Variants in SDC2 observed in about 807,000 individuals in gnomAD.
SDC2 encodes the protein syndecan 2.
In SDC2, 13 loss-of-function variants were observed where a neutral mutation model predicts 22.2. The observed-to-expected ratio is 0.59, with a 90% CI of 0.38 to 0.93. SDC2 has a LOEUF of 0.93. SDC2 is among the 40% of genes least tolerant of loss of function. The pLI, the probability that SDC2 is intolerant of heterozygous loss-of-function variation, is 0.00. For synonymous variants in SDC2, 94 were observed against 92.8 expected (o/e 1.01, Z -0.07); for missense variants, 235 against 246.8 (o/e 0.95, Z 0.32).
At chr8:96,600,959 G>T (rs1814971645) in intron 2 of SDC2, among the ~76,000 whole-genome samples, 1 of 152,306 alleles carries the variant, frequency 6.6e-6, no homozygotes. Context: ...GAGGGAGAAA[G>T]TGTAGAGGAA....
chr8:96,538,765 A>G (rs1813796777), intron 1 of SDC2: 1 of 152,280 alleles, frequency 6.6e-6, no homozygotes, highest in African/African-American at 2.4e-5. Context: ...TGTGAAGAGC[A>G]ATTGCTAAAG....
intron 1 of SDC2, among the ~76,000 whole-genome samples, chr8:96,563,051 T>TA (rs1814237409): frequency 6.6e-6 from 1 of 152,234 alleles, no homozygotes; most frequent in Admixed American, 6.5e-5. Flanking sequence ...GTTCCATTGT[T>TA]ACAGCTACCT....
rs112829715 is a variant in SDC2 at position 96,534,976 on chromosome 8, T to C, written c.60+40645T>C. Among the ~76,000 whole-genome samples, 24 of 152,118 alleles carry C rather than the reference T, an allele frequency of 1.6e-4. 1 individual carries two copies. The highest frequency in any genetic ancestry group is 2.0e-4 in the Admixed American group (3 of 15,284). ...CTAGATAAAATATTGGGCACCCAGT[T>C]AAGATGGAATTTCAGATAAATGCCA... is the stretch of plus-strand genomic sequence containing the variant. On this transcript the variant is annotated intron_variant, in intron 1 of 4. Transcript: ENST00000302190.
intron 1 of SDC2, among the ~76,000 whole-genome samples, chr8:96,515,192 T>C (rs536227429): frequency 3.2e-4 from 49 of 152,334 alleles, no homozygotes; most frequent in African/African-American, 9.1e-4. Context: ...ATGGCTATGC[T>C]TTTCTTAAGG....
intron 1 of SDC2, among the ~76,000 whole-genome samples, chr8:96,581,581 G>A (rs981999586): frequency 7.2e-5 from 11 of 151,754 alleles, no homozygotes; most frequent in Middle Eastern, 3.4e-3. Context: ...GCAGTGAGCC[G>A]AGATTGCACC....
chr8:96,522,867 C>T (rs1046078017), intron 1 of SDC2, among the ~76,000 whole-genome samples: 1 of 152,196 alleles, frequency 6.6e-6, no homozygotes, highest in African/African-American at 2.4e-5. Flanking sequence ...TAACATTCCT[C>T]AGGTTGTGGC....
Position 96,500,893 on chromosome 8 carries a change from G to A in SDC2, c.60+6562G>A, listed in dbSNP as rs373094659. Among the ~76,000 whole-genome samples, 19 of 152,270 alleles carry A rather than the reference G, an allele frequency of 1.2e-4. No individual in the cohort carries two copies. The East Asian group carries it at 3.5e-3, about 28-fold the overall frequency. On this transcript the variant is annotated intron_variant, in intron 1 of 4. Transcript: ENST00000302190. ...CAAGTATCTCAAAGAATTGGTAGGA[G>A]TGGGAGAAGAGAGAAGCCTTGAAAT... is the stretch of plus-strand genomic sequence containing the variant.
chr8:96,596,746 A>G (rs1369999007), intron 2 of SDC2, among the ~76,000 whole-genome samples: 1 of 152,244 alleles, frequency 6.6e-6, no homozygotes, highest in African/African-American at 2.4e-5. Context: ...CGATAAAAGA[A>G]TTGGGCATGA....
chr8:96,540,531 G>C (rs2651448), intron 1 of SDC2, among the ~76,000 whole-genome samples: 1 of 145,454 alleles, frequency 6.9e-6, no homozygotes. Flanking sequence ...AAATCTGTAT[G>C]GTAACTTCAG....
At chr8:96,572,522 C>G (rs1252568433) in intron 1 of SDC2, among the ~76,000 whole-genome samples, 1 of 152,132 alleles carries the variant, frequency 6.6e-6, no homozygotes, top group East Asian at 1.9e-4. Flanking sequence ...TAAAAGTTGA[C>G]TGGGTACTTT....
chr8:96,539,852 T>C (rs1813816842), intron 1 of SDC2, among the ~76,000 whole-genome samples: 1 of 152,176 alleles, frequency 6.6e-6, no homozygotes, highest in Non-Finnish European at 1.5e-5. Context: ...TGGAGCAAGG[T>C]ATAATTTAAC....
chr8:96,597,468 G>A (rs780788561), intron 2 of SDC2, among the ~76,000 whole-genome samples: 6 of 152,054 alleles, frequency 3.9e-5, no homozygotes, highest in Admixed American at 6.5e-5. Flanking sequence ...TCCTCTTTTC[G>A]GTGTTTCCCT....
In SDC2 at chr8:96,531,331, C is replaced by T. The variant is rs531156927; in HGVS notation, c.60+37000C>T. On this transcript the variant is annotated intron_variant, in intron 1 of 4. Coordinates refer to ENST00000302190, the MANE Select transcript of SDC2 (RefSeq NM_002998.4). The stretch of plus-strand genomic sequence containing the variant: ...AGTACATTAGAACTTTTATAGGGCA[C>T]GTTTTTCCAAAAGGTTTACCTCTGC... Among the ~76,000 whole-genome samples, 5 of 152,176 alleles carry T rather than the reference C, an allele frequency of 3.3e-5. No individual in the cohort carries two copies. The East Asian group carries it at 5.8e-4, about 18-fold the overall frequency.
At chr8:96,517,713 G>A (rs1813423575) in intron 1 of SDC2, among the ~76,000 whole-genome samples, 1 of 147,074 alleles carries the variant, frequency 6.8e-6, no homozygotes, top group Non-Finnish European at 1.5e-5. Context: ...AGTACTATAT[G>A]TACATATTTT....
At chr8:96,525,466 C>T (rs1813562782) in intron 1 of SDC2, among the ~76,000 whole-genome samples, 1 of 152,192 alleles carries the variant, frequency 6.6e-6, no homozygotes, top group Non-Finnish European at 1.5e-5. Context: ...GGCTGCACCC[C>T]ATCCTGCCTG....
intron 2 of SDC2, among the ~76,000 whole-genome samples, chr8:96,596,175 T>A (rs913960887): frequency 6.6e-6 from 1 of 152,134 alleles, no homozygotes; most frequent in Non-Finnish European, 1.5e-5. Flanking sequence ...TATTAGAAGG[T>A]AATAGAACTG....
chr8:96,518,060 G>C lies in SDC2; in HGVS notation c.60+23729G>C, dbSNP rs988227958. Among the ~76,000 whole-genome samples the C allele has an allele frequency of 2.2e-4, 33 of 152,032 alleles. 1 individual carries two copies. The highest frequency in any genetic ancestry group is 7.7e-4 in the African/African-American group (32 of 41,454). ...ATGCCTTTCAGAATGTTTTGGAGTG[G>C]GGTGCATTTTAGATATCTCTAGTCC... is the stretch of plus-strand genomic sequence containing the variant. On this transcript the variant is annotated intron_variant, in intron 1 of 4. Coordinates refer to ENST00000302190, the MANE Select transcript of SDC2 (RefSeq NM_002998.4).
chr8:96,536,467 G>T (rs146118422), intron 1 of SDC2, among the ~76,000 whole-genome samples: 276 of 152,274 alleles, frequency 1.8e-3, no homozygotes, highest in African/African-American at 6.2e-3. Context: ...GACTACAGGT[G>T]TGTGCCACCA....
At chr8:96,576,986 T>C (rs543588958) in intron 1 of SDC2, among the ~76,000 whole-genome samples, 2 of 152,326 alleles carry the variant, frequency 1.3e-5, no homozygotes, top group Non-Finnish European at 2.9e-5. Context: ...ATCCCAGTGA[T>C]TGTGCTGGCT....
Sources: gnomAD v4.1 joint callset for allele counts (sites outside exome capture counted in the v4.1 genomes callset) on GRCh38, gnomAD v4.1.1 for gene constraint, MANE v1.5 for transcripts, NCBI Gene and HGNC (gene_info 2026-07-23, HGNC 2026-07-21) for gene names.